CSGALNACT1: variants seen among roughly 807,000 people sequenced by gnomAD.
CSGALNACT1 encodes the protein chondroitin sulfate N-acetylgalactosaminyltransferase 1, also known as beta4GalNAcT-1.
In CSGALNACT1, 52 loss-of-function variants were observed where a neutral mutation model predicts 51.0. The ratio of observed to expected loss-of-function variants is 1.02; its 90% CI spans 0.82 to 1.29. The LOEUF is 1.29. Ranked by LOEUF, CSGALNACT1 falls within the 50% of genes most tolerant of loss-of-function variation. The probability of loss-of-function intolerance (pLI) is 0.00; values close to 1 mark genes in which losing one functional copy is unlikely to be tolerated. For missense variants in CSGALNACT1, 935 were observed against 679.2 expected (o/e 1.38, Z -4.19); for synonymous variants, 341 against 254.4 (o/e 1.34, Z -3.24).
exon 10 of CSGALNACT1, chr8:19,404,738 G>C: frequency 4.4e-6 from 2 of 454,444 alleles, no homozygotes; most frequent in Non-Finnish European, 8.8e-6. Context: ...GTAAGAAAGC[G>C]GTCCCTACTT....
At chr8:19,637,536 T>TA (rs2056235006) in intron 1 of CSGALNACT1, among the ~76,000 whole-genome samples, 1 of 152,226 alleles carries the variant, frequency 6.6e-6, no homozygotes, top group South Asian at 2.1e-4. Context: ...ACTTAAAACT[T>TA]AATGTTAGCC....
intron 4 of CSGALNACT1, among the ~76,000 whole-genome samples, chr8:19,493,458 G>C (rs1319460651): frequency 6.9e-6 from 1 of 144,262 alleles, no homozygotes; most frequent in East Asian, 1.9e-4. Flanking sequence ...TTCTCCAAAA[G>C]AAACTAAGTA....
At chr8:19,597,703 G>C (rs971788370) in intron 2 of CSGALNACT1, among the ~76,000 whole-genome samples, 4 of 152,322 alleles carry the variant, frequency 2.6e-5, no homozygotes, top group African/African-American at 9.6e-5. Context: ...ATGTTAAAAG[G>C]AAGTAGGGGA....
At chr8:19,664,381 C>T (rs2059010686) in intron 1 of CSGALNACT1, among the ~76,000 whole-genome samples, 1 of 152,112 alleles carries the variant, frequency 6.6e-6, no homozygotes, top group Non-Finnish European at 1.5e-5. Context: ...TTCTATACTG[C>T]TGGTGGGAAT....
chr8:19,484,470 G>A (rs913750789), intron 4 of CSGALNACT1, among the ~76,000 whole-genome samples: 7 of 152,188 alleles, frequency 4.6e-5, no homozygotes, highest in Non-Finnish European at 1.0e-4. Flanking sequence ...TGCACTCACA[G>A]TTCCACATGG....
intron 1 of CSGALNACT1, among the ~76,000 whole-genome samples, chr8:19,693,426 T>G (rs994052235): frequency 1.3e-5 from 2 of 152,158 alleles, no homozygotes; most frequent in African/African-American, 4.8e-5. Flanking sequence ...AATATCTGGG[T>G]GAGTTTATCA....
In CSGALNACT1 at chr8:19,745,411, T is replaced by A. The variant is rs374879428; in HGVS notation, c.-297+12439A>T. Among the ~76,000 whole-genome samples the A allele has an allele frequency of 1.7e-4, 26 of 152,342 alleles. No homozygotes were observed. In the East Asian group the frequency reaches 4.8e-3, roughly 28 times the overall value. On this transcript the variant is annotated intron_variant, in intron 1 of 1. Transcript: ENST00000517494. ...TGGTTTTTGATACATGCTCACAATG[T>A]GTAAATTATCAAATCAAGGCATACA...
At chr8:19,700,404 A>G (rs2061800329) in intron 1 of CSGALNACT1, among the ~76,000 whole-genome samples, 1 of 152,172 alleles carries the variant, frequency 6.6e-6, no homozygotes, top group Non-Finnish European at 1.5e-5. Flanking sequence ...TTTCCTATCT[A>G]CAAAATCAGG....
At chr8:19,490,296 C>A (rs2074071898) in intron 4 of CSGALNACT1, among the ~76,000 whole-genome samples, 1 of 151,960 alleles carries the variant, frequency 6.6e-6, no homozygotes, top group Admixed American at 6.5e-5. Flanking sequence ...AGACTGACTG[C>A]AAAACAGTAT....
At chr8:19,680,566 C>A (rs1466695198) in intron 1 of CSGALNACT1, among the ~76,000 whole-genome samples, 4 of 20,208 alleles carry the variant, frequency 2.0e-4, no homozygotes, top group African/African-American at 6.9e-4. Context: ...CTCGCCCCAC[C>A]CCCCCCCCCC....
At chr8:19,653,242 G>A (rs1395270048) in intron 1 of CSGALNACT1, among the ~76,000 whole-genome samples, 1 of 152,074 alleles carries the variant, frequency 6.6e-6, no homozygotes, top group African/African-American at 2.4e-5. Context: ...TGTCCTTGTA[G>A]CTTTCTCAGT....
At chr8:19,651,699 A>T (rs1475588370) in intron 1 of CSGALNACT1, among the ~76,000 whole-genome samples, 1 of 152,056 alleles carries the variant, frequency 6.6e-6, no homozygotes, top group Non-Finnish European at 1.5e-5. Context: ...TGTCTTCGCT[A>T]TTGTGAATAG....
chr8:19,701,171 T>TTTTTTTTTTTG (rs2061856251), intron 1 of CSGALNACT1, among the ~76,000 whole-genome samples: 1 of 148,314 alleles, frequency 6.7e-6, no homozygotes. Context: ...TTTTTTTTTT[T>TTTTTTTTTTTG]TTGATACAGA....
At chr8:19,526,418 A>C (rs1308758763) in intron 3 of CSGALNACT1, among the ~76,000 whole-genome samples, 1 of 152,172 alleles carries the variant, frequency 6.6e-6, no homozygotes, top group African/African-American at 2.4e-5. Flanking sequence ...CTTCATCACT[A>C]CTAAAAATAC....
intron 1 of CSGALNACT1, among the ~76,000 whole-genome samples, chr8:19,697,941 G>A (rs972263610): frequency 6.6e-6 from 1 of 152,166 alleles, no homozygotes; most frequent in Admixed American, 6.5e-5. Flanking sequence ...GAAGCAAGGA[G>A]GAAGATCAAG....
chr8:19,718,208 C>A (rs1297981187), intron 1 of CSGALNACT1, among the ~76,000 whole-genome samples: 1 of 152,206 alleles, frequency 6.6e-6, no homozygotes, highest in Non-Finnish European at 1.5e-5. Flanking sequence ...TTCTCCTTGC[C>A]TCAGCCTCCC....
chr8:19,550,361 T>C (rs542914131), intron 3 of CSGALNACT1, among the ~76,000 whole-genome samples: 4 of 152,176 alleles, frequency 2.6e-5, no homozygotes, highest in Admixed American at 2.0e-4. Context: ...ATGTTTTCCA[T>C]CTCTGTGCTT....
intron 7 of CSGALNACT1, 47 bp downstream of exon 6, chr8:19,420,289 GGCCC>G: frequency 6.4e-7 from 1 of 1,560,440 alleles, no homozygotes; most frequent in Non-Finnish European, 8.8e-7. Flanking sequence ...ACGACACATG[GGCCC>G]GAGAGGGCTG....
At chr8:19,548,927 T>C (rs2154079676) in intron 3 of CSGALNACT1, among the ~76,000 whole-genome samples, 1 of 152,112 alleles carries the variant, frequency 6.6e-6, no homozygotes, top group East Asian at 1.9e-4. Context: ...CAAACGATCC[T>C]CCTGCCTCAG....
Sources: gnomAD v4.1 joint callset for allele counts (sites outside exome capture counted in the v4.1 genomes callset) on GRCh38, gnomAD v4.1.1 for gene constraint, MANE v1.5 for transcripts, NCBI Gene and HGNC (gene_info 2026-07-23, HGNC 2026-07-21) for gene names.